Variants in UBR3 observed in about 807,000 individuals in gnomAD.
UBR3 encodes ubiquitin protein ligase E3 component n-recognin 3.
Under a neutral mutation model 243.2 loss-of-function variants are expected in UBR3, and 85 were observed. That is an observed-to-expected ratio of 0.35 (90% confidence interval 0.29 to 0.42). The LOEUF is 0.42. Ranked by LOEUF, UBR3 falls within the 10% of genes least tolerant of loss-of-function variation. UBR3 has a pLI of 1.00. For synonymous variants in UBR3, 748 were observed against 799.8 expected (o/e 0.94, Z 1.09); for missense variants, 1,686 against 2,300.8 (o/e 0.73, Z 5.47).
chr2:170,065,786 C>T (rs1374911986), intron 35 of UBR3, among the ~76,000 whole-genome samples: 1 of 151,764 alleles, frequency 6.6e-6, no homozygotes, highest in Non-Finnish European at 1.5e-5. Context: ...AATAACTTGC[C>T]TTTTTACTAT....
intron 19 of UBR3, among the ~76,000 whole-genome samples, chr2:169,941,213 G>A (rs2086572013): frequency 6.6e-6 from 1 of 152,108 alleles, no homozygotes; most frequent in Non-Finnish European, 1.5e-5. Flanking sequence ...ACAGGAGTGA[G>A]TATAGTACAA....
chr2:169,847,099 G>C (rs1399698640), intron 1 of UBR3, among the ~76,000 whole-genome samples: 2 of 45,318 alleles, frequency 4.4e-5, no homozygotes, highest in African/African-American at 1.2e-4. Flanking sequence ...GTGTGTGTGT[G>C]TGTGTGTGTG....
intron 1 of UBR3, among the ~76,000 whole-genome samples, chr2:169,842,114 A>G (rs1303512073): frequency 6.6e-6 from 1 of 152,170 alleles, no homozygotes; most frequent in African/African-American, 2.4e-5. Flanking sequence ...CTCTGTATCT[A>G]GCTGCTCTGG....
At chr2:169,978,440 G>A (rs1456548858) in intron 24 of UBR3, among the ~76,000 whole-genome samples, 1 of 152,138 alleles carries the variant, frequency 6.6e-6, no homozygotes, top group African/African-American at 2.4e-5. Context: ...GATTCAGGGA[G>A]TTGGGTTGTT....
At chr2:169,853,508 C>T (rs112689958) in intron 1 of UBR3, among the ~76,000 whole-genome samples, 6,597 of 151,118 alleles carry the variant, frequency 0.044, 162 homozygotes, top group Middle Eastern at 0.068. Flanking sequence ...TAGAGTGCAG[C>T]GGTGTGATCT....
At chr2:169,952,016 G>C (rs1053699970) in intron 23 of UBR3, among the ~76,000 whole-genome samples, 3 of 152,286 alleles carry the variant, frequency 2.0e-5, no homozygotes, top group African/African-American at 7.2e-5. Context: ...GGGACACCCA[G>C]GTGAAGGTGT....
intron 1 of UBR3, among the ~76,000 whole-genome samples, chr2:169,845,661 C>T (rs2082455541): frequency 6.6e-6 from 1 of 151,440 alleles, no homozygotes; most frequent in African/African-American, 2.4e-5. Context: ...TCTCAGCTCA[C>T]TGCAGCCTCC....
At position 170,061,543 on chromosome 2, in the gene UBR3, C is replaced by T. The variant is rs1180972846; in HGVS notation, c.5019+100C>T. On this transcript the variant is annotated intron_variant, in intron 35 of 38. Coordinates refer to ENST00000272793, the MANE Select transcript of UBR3 (RefSeq NM_172070.4). ...AGTGCAGTGGCACAATCTCGGCTTA[C>T]TGCAACCTCCGCCTGCCAGGTTCAA... 6 of 1,432,286 alleles carry T rather than the reference C, an allele frequency of 4.2e-6. No individual in the cohort carries two copies. In the East Asian group the frequency reaches 7.0e-5, roughly 17 times the overall value. 88.7% of individuals were successfully genotyped at this position (1,432,286 alleles called of 1,614,324 possible). A position where few individuals can be genotyped will look rare whatever the true frequency, so the allele number is the denominator to read the frequency against.
At chr2:169,983,041 A>G (rs1021169746) in intron 24 of UBR3, among the ~76,000 whole-genome samples, 1 of 152,094 alleles carries the variant, frequency 6.6e-6, no homozygotes, top group African/African-American at 2.4e-5. Flanking sequence ...CTGGCAAGGT[A>G]GCCCACCTTG....
intron 24 of UBR3, among the ~76,000 whole-genome samples, chr2:169,960,070 G>A (rs1239419803): frequency 1.3e-5 from 2 of 151,932 alleles, no homozygotes; most frequent in Non-Finnish European, 2.9e-5. Flanking sequence ...GACCAACATG[G>A]TGAAACCCGT....
chr2:169,993,400 C>T (rs1368601909), intron 25 of UBR3, among the ~76,000 whole-genome samples: 5 of 152,232 alleles, frequency 3.3e-5, no homozygotes, highest in African/African-American at 4.8e-5. Context: ...GATCCACAAT[C>T]GAATAAAAGA....
At chr2:169,957,950 T>G (rs2087384932) in intron 23 of UBR3, among the ~76,000 whole-genome samples, 1 of 152,204 alleles carries the variant, frequency 6.6e-6, no homozygotes, top group South Asian at 2.1e-4. Flanking sequence ...TTCTGTTCAT[T>G]CTCTGTTAGG....
At chr2:169,845,826 C>T (rs2082461396) in intron 1 of UBR3, among the ~76,000 whole-genome samples, 1 of 152,112 alleles carries the variant, frequency 6.6e-6, no homozygotes, top group Non-Finnish European at 1.5e-5. Context: ...TCAAATGATC[C>T]ACCTGCCTCA....
intron 8 of UBR3, 96 bp from the exon 9 acceptor site, chr2:169,905,018 G>T: frequency 1.9e-6 from 2 of 1,035,478 alleles, no homozygotes; most frequent in Non-Finnish European, 2.5e-6. Context: ...TTGAATTTAG[G>T]TATATCTGAT....
intron 32 of UBR3, among the ~76,000 whole-genome samples, chr2:170,043,058 T>C (rs1435681145): frequency 6.6e-6 from 1 of 152,278 alleles, no homozygotes; most frequent in East Asian, 1.9e-4. Context: ...CTTCTAATTA[T>C]ATTAGTAGTA....
chr2:170,017,540 C>T (rs62172022), intron 30 of UBR3, among the ~76,000 whole-genome samples: 1 of 43,600 alleles, frequency 2.3e-5, no homozygotes, highest in Non-Finnish European at 5.4e-5. Flanking sequence ...CACACACACA[C>T]ACACAGACAC....
chr2:169,851,529 C>A (rs1005469517), intron 1 of UBR3, among the ~76,000 whole-genome samples: 3 of 152,230 alleles, frequency 2.0e-5, no homozygotes, highest in Admixed American at 6.5e-5. Context: ...TTATTGTCCT[C>A]GTTTTTTGGA....
chr2:169,835,092 A>G (rs1177024218), intron 1 of UBR3, among the ~76,000 whole-genome samples: 1 of 152,144 alleles, frequency 6.6e-6, no homozygotes, highest in African/African-American at 2.4e-5. Flanking sequence ...CTTGAGATCG[A>G]TGGTTGTGAT....
At chr2:169,877,414 A>G in intron 3 of UBR3, 80 bp from the exon 4 acceptor site, 2 of 1,258,748 alleles carry the variant, frequency 1.6e-6, no homozygotes, top group Non-Finnish European at 2.2e-6. Flanking sequence ...TCACCTATTT[A>G]TAGATACTAG....
Sources: gnomAD v4.1 joint callset for allele counts (sites outside exome capture counted in the v4.1 genomes callset) on GRCh38, gnomAD v4.1.1 for gene constraint, MANE v1.5 for transcripts, NCBI Gene and HGNC (gene_info 2026-07-23, HGNC 2026-07-21) for gene names.